MIR2052HG: variants seen among roughly 807,000 people sequenced by gnomAD.
The protein encoded by MIR2052HG is MIR2052 host gene.
At chr8:74,647,742 G>A (rs1252182357) in intron 2 of MIR2052HG, among the ~76,000 whole-genome samples, 2 of 152,166 alleles carry the variant, frequency 1.3e-5, no homozygotes, top group East Asian at 3.9e-4. Flanking sequence ...AACATGAATT[G>A]TGAAGATTTC....
intron 2 of MIR2052HG, among the ~76,000 whole-genome samples, chr8:74,657,738 T>G (rs932966081): frequency 1.3e-5 from 2 of 152,144 alleles, no homozygotes; most frequent in African/African-American, 4.8e-5. Flanking sequence ...CTTGTGAGAC[T>G]TTTCACTATC....
intron 4 of MIR2052HG, among the ~76,000 whole-genome samples, chr8:74,717,226 A>G (rs1809529055): frequency 6.7e-6 from 1 of 150,256 alleles, no homozygotes; most frequent in Non-Finnish European, 1.5e-5. Context: ...CTTATTGTTC[A>G]CCTCCCACTT....
chr8:74,649,521 A>G (rs1488605082), intron 2 of MIR2052HG, among the ~76,000 whole-genome samples: 2 of 151,722 alleles, frequency 1.3e-5, no homozygotes, highest in South Asian at 2.1e-4. Context: ...ATATTTACAT[A>G]TATACCTACA....
chr8:74,627,095 T>A (rs1370223101), intron 2 of MIR2052HG, among the ~76,000 whole-genome samples: 2 of 152,176 alleles, frequency 1.3e-5, no homozygotes, highest in Non-Finnish European at 1.5e-5. Flanking sequence ...CCAACACATA[T>A]TCACCTTTCA....
At chr8:74,641,047 T>C (rs1808634496) in intron 2 of MIR2052HG, among the ~76,000 whole-genome samples, 1 of 152,162 alleles carries the variant, frequency 6.6e-6, no homozygotes, top group Non-Finnish European at 1.5e-5. Context: ...TTTTTAATGG[T>C]GTTAAGTATA....
At chr8:74,752,641 T>G (rs1337917400) in intron 5 of MIR2052HG, 1 of 331,828 alleles carries the variant, frequency 3.0e-6, no homozygotes, top group Non-Finnish European at 5.9e-6. Context: ...GTATCTTTGT[T>G]GAATTTTTAA....
rs1807995854 is a variant in MIR2052HG at position 74,601,243 on chromosome 8, TTCAAGCTTTA to T, written n.128+1340_128+1349del. ...GTCCACTACCATTTGTCTGTAATCA[TTCAAGCTTTA>T]TCAAATTTATTATGTCTCAAAGCAC... On this transcript the variant is annotated intron_variant and non_coding_transcript_variant, in intron 1 of 6. Coordinates refer to ENST00000523442, the Ensembl canonical transcript of MIR2052HG. Among the ~76,000 whole-genome samples, 15 of 152,260 alleles carry T rather than the reference TTCAAGCTTTA, an allele frequency of 9.9e-5. No homozygotes were observed. The South Asian group carries it at 2.9e-3, about 29-fold the overall frequency.
intron 2 of MIR2052HG, among the ~76,000 whole-genome samples, chr8:74,696,660 A>G (rs1323078696): frequency 2.0e-5 from 3 of 152,120 alleles, no homozygotes; most frequent in African/African-American, 7.2e-5. Context: ...CCACAAAAAT[A>G]CAAAACATCA....
At chr8:74,738,125 G>A (rs1428538817) in intron 4 of MIR2052HG, among the ~76,000 whole-genome samples, 2 of 132,718 alleles carry the variant, frequency 1.5e-5, no homozygotes, top group Non-Finnish European at 3.2e-5. Context: ...ATGTATGTAT[G>A]TATGTATGTA....
At chr8:74,756,507 A>G (rs1010343665) in intron 5 of MIR2052HG, 1 of 152,158 alleles carries the variant, frequency 6.6e-6, no homozygotes, top group African/African-American at 2.4e-5. Flanking sequence ...GCACTCTCTT[A>G]TTTAAGGTTT....
chr8:74,602,869 C>CTTTCTTTCTTTCTTTCTTTCTTTCTT (rs1563508663), intron 1 of MIR2052HG, among the ~76,000 whole-genome samples: 1 of 147,484 alleles, frequency 6.8e-6, no homozygotes, highest in African/African-American at 2.5e-5. Flanking sequence ...TTCTTTCTTT[C>CTTTCTTTCTTTCTTTCTTTCTTTCTT]TTTCTTTTTT....
In MIR2052HG at chr8:74,651,977, A is replaced by C. The variant is rs190633599; in HGVS notation, n.216+39037A>C. On this transcript the variant is annotated intron_variant and non_coding_transcript_variant, in intron 2 of 6. Transcript: ENST00000523442. ...TTCTCTCTGGCATTCACTGGCAATG[A>C]TGGTGATATTTTGGTTTCAATTGCT... Among the ~76,000 whole-genome samples, 5 of 152,244 alleles carry C rather than the reference A, an allele frequency of 3.3e-5. No homozygotes were observed. In the East Asian group the frequency reaches 9.6e-4, roughly 29 times the overall value.
At chr8:74,728,639 A>G (rs565181261) in intron 4 of MIR2052HG, among the ~76,000 whole-genome samples, 1 of 152,270 alleles carries the variant, frequency 6.6e-6, no homozygotes, top group South Asian at 2.1e-4. Context: ...CACCTGACCT[A>G]TTTGGGTATA....
At chr8:74,637,316 C>G (rs1179479638) in intron 2 of MIR2052HG, among the ~76,000 whole-genome samples, 8 of 152,096 alleles carry the variant, frequency 5.3e-5, no homozygotes, top group Admixed American at 2.0e-4. Context: ...GAAAAGGGAG[C>G]CAGCTTAATT....
chr8:74,608,652 A>T (rs1237068747), intron 1 of MIR2052HG, among the ~76,000 whole-genome samples: 5 of 152,308 alleles, frequency 3.3e-5, no homozygotes, highest in Non-Finnish European at 7.4e-5. Flanking sequence ...CACAGTTAGA[A>T]ATCATGAATA....
At chr8:74,664,922 A>G (rs1808906009) in intron 2 of MIR2052HG, among the ~76,000 whole-genome samples, 1 of 152,220 alleles carries the variant, frequency 6.6e-6, no homozygotes. Context: ...TCTCTGGTAG[A>G]TATCCTGTTA....
At chr8:74,741,916 A>G (rs943858712) in intron 4 of MIR2052HG, among the ~76,000 whole-genome samples, 2 of 152,204 alleles carry the variant, frequency 1.3e-5, no homozygotes, top group African/African-American at 4.8e-5. Context: ...AAGGCAGAGC[A>G]TTGCCTTGTT....
chr8:74,733,639 TCC>T (rs1809718375), intron 4 of MIR2052HG, among the ~76,000 whole-genome samples: 1 of 142,600 alleles, frequency 7.0e-6, no homozygotes, highest in Admixed American at 7.2e-5. Flanking sequence ...TAGTTCTAGA[TCC>T]CTGAGGAATC....
intron 4 of MIR2052HG, among the ~76,000 whole-genome samples, chr8:74,713,299 T>C (rs778943008): frequency 6.6e-6 from 1 of 152,170 alleles, no homozygotes; most frequent in African/African-American, 2.4e-5. Flanking sequence ...TTTTGAACAA[T>C]TTATGTGGCC....
Sources: allele counts gnomAD v4.1 joint callset (sites outside exome capture counted in the v4.1 genomes callset), GRCh38; gene constraint gnomAD v4.1.1; transcripts MANE v1.5; gene names NCBI Gene and HGNC (gene_info 2026-07-23, HGNC 2026-07-21).